PKIB: variants seen among roughly 807,000 people sequenced by gnomAD.
The protein encoded by PKIB is PKI-beta.
A neutral mutation model predicts 4.5 loss-of-function variants in PKIB; 2 were observed. The ratio of observed to expected loss-of-function variants is 0.44; its 90% confidence interval spans 0.18 to 1.39. The LOEUF (loss-of-function observed/expected upper bound fraction) is 1.39. Among genes scored for constraint, PKIB ranks in the 40% most tolerant of loss-of-function variants. The pLI is 0.27. For missense variants in PKIB, 94 were observed against 92.6 expected, an observed-to-expected ratio of 1.02 and a Z score of -0.06; for synonymous variants, 38 against 36.0, an observed-to-expected ratio of 1.06 and a Z score of -0.20.
At chr6:122,532,824 C>T (rs190045872) in intron 2 of PKIB, among the ~76,000 whole-genome samples, 102 of 152,148 alleles carry the variant, frequency 6.7e-4, no homozygotes, top group African/African-American at 2.3e-3. Flanking sequence ...GTTGGGTGCA[C>T]GAATATCTCT....
intron 2 of PKIB, among the ~76,000 whole-genome samples, chr6:122,487,032 T>G (rs1775788387): frequency 1.3e-5 from 2 of 152,182 alleles, no homozygotes. Context: ...ATTTATTTCT[T>G]CAAATGTAAA....
At chr6:122,635,094 GAATT>G (rs1334680432) in intron 2 of PKIB, among the ~76,000 whole-genome samples, 1 of 151,012 alleles carries the variant, frequency 6.6e-6, no homozygotes, top group African/African-American at 2.4e-5. Flanking sequence ...ATTATAATAC[GAATT>G]AATTTTGTAC....
At chr6:122,699,586 A>G (rs1778715273) in intron 3 of PKIB, among the ~76,000 whole-genome samples, 1 of 152,176 alleles carries the variant, frequency 6.6e-6, no homozygotes, top group Non-Finnish European at 1.5e-5. Flanking sequence ...CAGTGGGGAT[A>G]ATAACCCCTG....
intron 2 of PKIB, among the ~76,000 whole-genome samples, chr6:122,492,463 T>G (rs1246238858): frequency 1.3e-5 from 2 of 152,144 alleles, no homozygotes; most frequent in Non-Finnish European, 2.9e-5. Context: ...AGCGATAGCC[T>G]CAGTAATGTT....
chr6:122,696,678 C>G (rs9320888), intron 3 of PKIB, among the ~76,000 whole-genome samples: 1 of 152,196 alleles, frequency 6.6e-6, no homozygotes, highest in Non-Finnish European at 1.5e-5. Context: ...TTAAATAGAC[C>G]GTCAACCTTA....
At chr6:122,573,530 A>G (rs1410146720) in intron 2 of PKIB, among the ~76,000 whole-genome samples, 1 of 151,518 alleles carries the variant, frequency 6.6e-6, no homozygotes, top group Admixed American at 6.6e-5. Context: ...TCAAAAAAAA[A>G]AAAAAAAGAA....
intron 2 of PKIB, among the ~76,000 whole-genome samples, chr6:122,585,177 A>G (rs899957707): frequency 1.3e-5 from 2 of 152,136 alleles, no homozygotes; most frequent in African/African-American, 2.4e-5. Context: ...TGTCACTTCA[A>G]TAAAAGTTGA....
intron 3 of PKIB, among the ~76,000 whole-genome samples, chr6:122,709,231 A>T (rs1368925182): frequency 1.3e-5 from 2 of 152,186 alleles, no homozygotes; most frequent in Non-Finnish European, 2.9e-5. Flanking sequence ...AAAGTCCAGG[A>T]TTCAACTTCA....
At chr6:122,681,269 T>C (rs1360855369) in intron 3 of PKIB, among the ~76,000 whole-genome samples, 1 of 152,208 alleles carries the variant, frequency 6.6e-6, no homozygotes, top group African/African-American at 2.4e-5. Context: ...ATTATAAAAC[T>C]GTTTGGGCAG....
intron 2 of PKIB, among the ~76,000 whole-genome samples, chr6:122,505,581 G>A (rs537396283): frequency 3.9e-5 from 6 of 152,252 alleles, no homozygotes; most frequent in East Asian, 1.9e-4. Context: ...GAGGGTTTTC[G>A]TTTGAAAGTC....
At chr6:122,638,018 C>A (rs1389026746) in intron 2 of PKIB, among the ~76,000 whole-genome samples, 1 of 152,032 alleles carries the variant, frequency 6.6e-6, no homozygotes, top group Non-Finnish European at 1.5e-5. Flanking sequence ...TAAGTTATCA[C>A]TAATAAAAAT....
intron 1 of PKIB, among the ~76,000 whole-genome samples, chr6:122,616,778 A>G (rs1775009967): frequency 6.6e-6 from 1 of 152,070 alleles, no homozygotes; most frequent in African/African-American, 2.4e-5. Context: ...TTATTGAGCA[A>G]TCTGCCAGAC....
intron 2 of PKIB, among the ~76,000 whole-genome samples, chr6:122,517,575 C>T (rs1300350136): frequency 6.6e-6 from 1 of 152,150 alleles, no homozygotes; most frequent in Non-Finnish European, 1.5e-5. Flanking sequence ...TGTTGTCTAA[C>T]CCTTCTCCTG....
chr6:122,660,043 T>C (rs1190952761), intron 2 of PKIB, among the ~76,000 whole-genome samples: 3 of 152,196 alleles, frequency 2.0e-5, no homozygotes, highest in Non-Finnish European at 4.4e-5. Context: ...TTAGTTTTCC[T>C]TTACAAATGA....
At chr6:122,684,643 T>C (rs1778027411) in intron 3 of PKIB, among the ~76,000 whole-genome samples, 1 of 152,240 alleles carries the variant, frequency 6.6e-6, no homozygotes, top group East Asian at 1.9e-4. Flanking sequence ...ATTAATCAGA[T>C]GATTAGTCAT....
chr6:122,589,340 T>C (rs1773949179), intron 3 of PKIB, among the ~76,000 whole-genome samples: 1 of 152,090 alleles, frequency 6.6e-6, no homozygotes, highest in Non-Finnish European at 1.5e-5. Flanking sequence ...TGTATTACAG[T>C]GTGTACAACA....
At chr6:122,544,565 A>G (rs1381151364) in intron 2 of PKIB, among the ~76,000 whole-genome samples, 1 of 152,008 alleles carries the variant, frequency 6.6e-6, no homozygotes, top group African/African-American at 2.4e-5. Context: ...TTGGGCGTGG[A>G]TATTAGAATG....
chr6:122,557,356 A>G (rs1772877108), intron 2 of PKIB, among the ~76,000 whole-genome samples: 1 of 152,196 alleles, frequency 6.6e-6, no homozygotes, highest in Non-Finnish European at 1.5e-5. Context: ...GGAGCTCCCT[A>G]TAATCAACCA....
At chr6:122,616,554 A>G (rs1382018334) in intron 1 of PKIB, among the ~76,000 whole-genome samples, 2 of 152,104 alleles carry the variant, frequency 1.3e-5, no homozygotes, top group Non-Finnish European at 2.9e-5. Context: ...TATCTTTAGG[A>G]GTCATTAGTG....
Sources: gnomAD v4.1 joint callset for allele counts (sites outside exome capture counted in the v4.1 genomes callset) on GRCh38, gnomAD v4.1.1 for gene constraint, MANE v1.5 for transcripts, NCBI Gene and HGNC (gene_info 2026-07-23, HGNC 2026-07-21) for gene names.